The following HDAC9 variants were observed in gnomAD, a reference collection of about 807,000 sequenced individuals.
HDAC9 encodes the protein MEF-2 interacting transcription repressor (MITR) protein.
A neutral mutation model predicts 139.4 loss-of-function variants in HDAC9; 41 were observed. The ratio of observed to expected loss-of-function variants is 0.29; its 90% CI spans 0.23 to 0.38. HDAC9 has a LOEUF of 0.38. Among genes scored for constraint, HDAC9 ranks in the 10% least tolerant of loss-of-function variants. The probability of loss-of-function intolerance (pLI) is 1.00; values close to 1 mark genes in which losing one functional copy is unlikely to be tolerated. For missense variants in HDAC9, 1,147 were observed against 1,297.0 expected (o/e 0.88, Z 1.78); for synonymous variants, 517 against 476.2 (o/e 1.09, Z -1.12).
intron 24 of HDAC9, among the ~76,000 whole-genome samples, chr7:18,965,521 T>C (rs994027240): frequency 6.6e-6 from 1 of 152,220 alleles, no homozygotes; most frequent in African/African-American, 2.4e-5. Flanking sequence ...AGTAATTTAT[T>C]TGCAGGTGCA....
chr7:18,569,238 G>T (rs1280276860), intron 2 of HDAC9, among the ~76,000 whole-genome samples: 1 of 152,024 alleles, frequency 6.6e-6, no homozygotes, highest in Non-Finnish European at 1.5e-5. Context: ...AATGAGAGTG[G>T]CTGTGTTCCA....
At chr7:18,216,135 A>T (rs1180797372) in intron 2 of HDAC9, among the ~76,000 whole-genome samples, 1 of 151,454 alleles carries the variant, frequency 6.6e-6, no homozygotes, top group Non-Finnish European at 1.5e-5. Flanking sequence ...TGTGTGAGAG[A>T]GAGAGAGAGA....
chr7:18,312,206 G>A (rs2128626119), intron 1 of HDAC9, among the ~76,000 whole-genome samples: 1 of 152,242 alleles, frequency 6.6e-6, no homozygotes, highest in East Asian at 1.9e-4. Flanking sequence ...CAGATGAGCA[G>A]GCACAAAATG....
intron 2 of HDAC9, among the ~76,000 whole-genome samples, chr7:18,166,394 C>G (rs1412358773): frequency 6.6e-6 from 1 of 152,180 alleles, no homozygotes; most frequent in Non-Finnish European, 1.5e-5. Context: ...ATATTCTGTT[C>G]ATTTTCTCGT....
chr7:18,276,070 A>G (rs558675292), intron 2 of HDAC9, among the ~76,000 whole-genome samples: 27 of 152,346 alleles, frequency 1.8e-4, no homozygotes, highest in African/African-American at 6.5e-4. Context: ...TGTATCTATA[A>G]TGTAACAATT....
At chr7:18,721,580 T>A (rs1485149106) in intron 12 of HDAC9, among the ~76,000 whole-genome samples, 1 of 152,212 alleles carries the variant, frequency 6.6e-6, no homozygotes, top group African/African-American at 2.4e-5. Flanking sequence ...TTATGATTTC[T>A]GTCATTTGCT....
Position 18,171,265 on chromosome 7 carries a change from G to A in HDAC9, c.25+8916G>A, listed in dbSNP as rs1002250268. ...TCTGTTTGTCTGTTATTGGTGTATA[G>A]GAATGCTGGTGATTTTTGCCCATTG... On this transcript the variant is annotated intron_variant, in intron 2 of 12. Coordinates refer to the HDAC9 transcript ENST00000417496. Among the ~76,000 whole-genome samples, 11 of 152,052 alleles carry A rather than the reference G, an allele frequency of 7.2e-5. 1 individual carries two copies. Among genetic ancestry groups the A allele is most frequent in the African/African-American group, 1.9e-4 (8 of 41,396 alleles).
At chr7:18,231,932 C>T (rs1334898938) in intron 2 of HDAC9, among the ~76,000 whole-genome samples, 2 of 152,054 alleles carry the variant, frequency 1.3e-5, no homozygotes, top group Non-Finnish European at 2.9e-5. Context: ...TGAAATCATA[C>T]ATGAAGACAT....
chr7:18,544,372 T>A (rs1425381690), intron 2 of HDAC9, among the ~76,000 whole-genome samples: 3 of 152,228 alleles, frequency 2.0e-5, no homozygotes, highest in South Asian at 2.1e-4. Context: ...GTGAAGGACA[T>A]GTTTAAGAAT....
intron 22 of HDAC9, among the ~76,000 whole-genome samples, chr7:18,905,000 G>C (rs1005057973): frequency 7.2e-4 from 109 of 152,110 alleles, no homozygotes; most frequent in Non-Finnish European, 1.0e-3. Context: ...CAGGGTTCAA[G>C]GGATTCTACT....
intron 7 of HDAC9, among the ~76,000 whole-genome samples, chr7:18,631,508 T>G (rs1782336798): frequency 6.6e-6 from 1 of 152,094 alleles, no homozygotes; most frequent in Middle Eastern, 3.2e-3. Flanking sequence ...TTTTAGTATC[T>G]AGTCAGAGAC....
At chr7:18,281,149 T>G (rs1454328247) in intron 2 of HDAC9, among the ~76,000 whole-genome samples, 6 of 152,184 alleles carry the variant, frequency 3.9e-5, no homozygotes, top group Non-Finnish European at 7.4e-5. Context: ...AGACTTAGTC[T>G]AAGATGATAC....
At chr7:18,813,749 C>G (rs1319911093) in intron 17 of HDAC9, among the ~76,000 whole-genome samples, 1 of 152,120 alleles carries the variant, frequency 6.6e-6, no homozygotes, top group Non-Finnish European at 1.5e-5. Context: ...TTAAGTTAGC[C>G]AAATTATGGA....
At chr7:18,635,783 A>G (rs1018068347) in intron 8 of HDAC9, among the ~76,000 whole-genome samples, 2 of 152,074 alleles carry the variant, frequency 1.3e-5, no homozygotes, top group Non-Finnish European at 2.9e-5. Flanking sequence ...TTCTTGGATC[A>G]TCTCCATAGC....
At chr7:18,509,623 A>G (rs113248159) in intron 2 of HDAC9, among the ~76,000 whole-genome samples, 2,090 of 152,316 alleles carry the variant, frequency 0.014, 17 homozygotes, top group Non-Finnish European at 0.02. Flanking sequence ...TTAATGCTCT[A>G]TTCCAACTGG....
intron 2 of HDAC9, among the ~76,000 whole-genome samples, chr7:18,248,937 T>C (rs1794738557): frequency 6.6e-6 from 1 of 152,226 alleles, no homozygotes. Flanking sequence ...GAGTTAAAGC[T>C]TATTTTTGCT....
chr7:18,231,393 T>A (rs1793451425), intron 2 of HDAC9, among the ~76,000 whole-genome samples: 1 of 152,200 alleles, frequency 6.6e-6, no homozygotes, highest in African/African-American at 2.4e-5. Flanking sequence ...CTCATGGGGC[T>A]GTGCTCCCCA....
chr7:18,504,592 G>T (rs901299438), intron 2 of HDAC9, among the ~76,000 whole-genome samples: 1 of 152,176 alleles, frequency 6.6e-6, no homozygotes, highest in Admixed American at 6.5e-5. Flanking sequence ...GGCATGAGCC[G>T]CTGCGCCCAG....
At chr7:18,912,620 A>T (rs534490013) in intron 22 of HDAC9, among the ~76,000 whole-genome samples, 1 of 152,224 alleles carries the variant, frequency 6.6e-6, no homozygotes, top group Non-Finnish European at 1.5e-5. Flanking sequence ...GTGCCCAAGG[A>T]TATTGCTGAA....
Sources: allele counts gnomAD v4.1 joint callset (sites outside exome capture counted in the v4.1 genomes callset), GRCh38; gene constraint gnomAD v4.1.1; transcripts MANE v1.5; gene names NCBI Gene and HGNC (gene_info 2026-07-23, HGNC 2026-07-21).